DLGAP2: variants seen among roughly 807,000 people sequenced by gnomAD.
The protein encoded by DLGAP2 is DLG associated protein 2.
Under a neutral mutation model 100.3 loss-of-function variants are expected in DLGAP2, and 26 were observed. That is an observed-to-expected ratio of 0.26 (90% CI 0.19 to 0.36). The LOEUF is 0.36. DLGAP2 is among the 10% of genes least tolerant of loss of function. The pLI is 1.00. For synonymous variants in DLGAP2, 886 were observed against 630.1 expected, an observed-to-expected ratio of 1.41 and a Z score of -6.08; for missense variants, 1,858 against 1,453.2, an observed-to-expected ratio of 1.28 and a Z score of -4.53.
chr8:742,207 G>T (rs1259194923), intron 1 of DLGAP2, among the ~76,000 whole-genome samples: 1 of 152,106 alleles, frequency 6.6e-6, no homozygotes, highest in African/African-American at 2.4e-5. Flanking sequence ...TCATCTTCGG[G>T]TACTGTTTCT....
At position 968,226 on chromosome 8, in the gene DLGAP2, A is replaced by G. The variant is rs564187957; in HGVS notation, c.73+60260A>G. 1.7e-3 allele frequency among the ~76,000 whole-genome samples: 265 copies of G among 152,254 alleles called. 3 individuals carry two copies. Among genetic ancestry groups the G allele is most frequent in the African/African-American group, 6.3e-3 (261 of 41,554 alleles). On this transcript the variant is annotated intron_variant, in intron 2 of 14. Coordinates refer to ENST00000637795, the MANE Select transcript of DLGAP2 (RefSeq NM_001346810.2). ...GCCACATGTGGGCAGTAAAAGGAAG[A>G]TGATTATGACAGCTATGCCCGTGGG...
At chr8:999,891 AGG>A (rs1800895874) in intron 2 of DLGAP2, among the ~76,000 whole-genome samples, 1 of 151,604 alleles carries the variant, frequency 6.6e-6, no homozygotes. Flanking sequence ...GTGCTTGCTA[AGG>A]ATTTTCTCTA....
intron 2 of DLGAP2, among the ~76,000 whole-genome samples, chr8:1,065,966 C>A (rs1471474966): frequency 6.6e-6 from 1 of 152,218 alleles, no homozygotes; most frequent in Non-Finnish European, 1.5e-5. Flanking sequence ...CACTGCCGAG[C>A]TGGACACTGT....
chr8:1,374,154 GAGGTT>G (rs1479791654), intron 3 of DLGAP2, among the ~76,000 whole-genome samples: 5 of 151,254 alleles, frequency 3.3e-5, no homozygotes, highest in African/African-American at 1.2e-4. Flanking sequence ...GTGTAGTGTG[GAGGTT>G]AGGTTAGGTT....
At chr8:893,134 G>A (rs546929510) in intron 1 of DLGAP2, 1 of 152,354 alleles carries the variant, frequency 6.6e-6, no homozygotes, top group South Asian at 2.1e-4. Flanking sequence ...GTGGAACCGA[G>A]GGCAGGCTGG....
At chr8:1,511,998 G>A (rs530774139) in intron 4 of DLGAP2, among the ~76,000 whole-genome samples, 3 of 152,382 alleles carry the variant, frequency 2.0e-5, no homozygotes, top group African/African-American at 7.2e-5. Context: ...ACTAGCTGCA[G>A]TTAGCAGTAA....
At chr8:1,425,785 AG>A (rs1300427216) in intron 3 of DLGAP2, among the ~76,000 whole-genome samples, 2 of 152,238 alleles carry the variant, frequency 1.3e-5, no homozygotes, top group African/African-American at 4.8e-5. Context: ...AAGCCGCTGC[AG>A]GATGAGCCCA....
At chr8:1,028,916 C>T (rs937209740) in intron 2 of DLGAP2, among the ~76,000 whole-genome samples, 7 of 152,126 alleles carry the variant, frequency 4.6e-5, no homozygotes, top group South Asian at 2.1e-4. Context: ...CTGTGAAGGA[C>T]GGCCTGACCG....
intron 2 of DLGAP2, among the ~76,000 whole-genome samples, chr8:1,146,621 G>A (rs1044230770): frequency 1.3e-5 from 2 of 152,052 alleles, no homozygotes; most frequent in African/African-American, 4.8e-5. Flanking sequence ...ATGCACGTGT[G>A]TGCATGCATG....
rs116291947 is a variant in DLGAP2 at position 1,619,236 on chromosome 8, A to T, written c.1443-7504A>T. On this transcript the variant is annotated intron_variant, in intron 6 of 14. Coordinates refer to ENST00000637795, the MANE Select transcript of DLGAP2 (RefSeq NM_001346810.2). ...GATACACAAATGTCCAATAAGAATTAGTCATCCAGGAGGTGAAAGTGAAAA... is the reference window on the plus strand; with the variant it reads ...GATACACAAATGTCCAATAAGAATTTGTCATCCAGGAGGTGAAAGTGAAAA... 2.9e-3 allele frequency among the ~76,000 whole-genome samples: 440 copies of T among 152,362 alleles called. 4 individuals carry two copies. Among genetic ancestry groups the T allele is most frequent in the African/African-American group, 9.8e-3 (409 of 41,586 alleles).
At chr8:1,006,082 G>T (rs1027901146) in intron 2 of DLGAP2, among the ~76,000 whole-genome samples, 1 of 152,138 alleles carries the variant, frequency 6.6e-6, no homozygotes, top group Non-Finnish European at 1.5e-5. Context: ...ACAGGTACTC[G>T]GGAGGCTGAG....
At chr8:1,339,034 C>T (rs1801357621) in intron 3 of DLGAP2, among the ~76,000 whole-genome samples, 2 of 151,976 alleles carry the variant, frequency 1.3e-5, no homozygotes, top group Admixed American at 1.3e-4. Flanking sequence ...AGTGTCAGGA[C>T]CTGGCAGGGA....
chr8:1,569,901 C>A (rs1454648047), intron 6 of DLGAP2, among the ~76,000 whole-genome samples: 6 of 151,034 alleles, frequency 4.0e-5, no homozygotes, highest in Non-Finnish European at 8.9e-5. Context: ...TAGATCTTCA[C>A]CCCATGGCAC....
Position 1,259,402 on chromosome 8 carries a change from C to G in DLGAP2, c.106+519C>G, listed in dbSNP as rs143185560. 3.1e-3 allele frequency among the ~76,000 whole-genome samples: 472 copies of G among 152,286 alleles called. 2 individuals are homozygous for G. Among genetic ancestry groups the G allele is most frequent in the African/African-American group, 0.01 (424 of 41,544 alleles). On this transcript the variant is annotated intron_variant, in intron 3 of 14. Transcript: ENST00000637795. ...GGCAAAGTAGGGCCCCTGAGTCTGT[C>G]ATTTGTTGACTGTTTGGAACTAGTG...
intron 3 of DLGAP2, among the ~76,000 whole-genome samples, chr8:1,468,690 G>A (rs533913825): frequency 4.3e-4 from 65 of 152,300 alleles, no homozygotes; most frequent in Non-Finnish European, 7.2e-4. Context: ...CGTGACTCCA[G>A]CCTGGGCAGT....
intron 4 of DLGAP2, among the ~76,000 whole-genome samples, chr8:1,505,789 T>G (rs1181732813): frequency 6.6e-6 from 1 of 152,188 alleles, no homozygotes; most frequent in Non-Finnish European, 1.5e-5. Flanking sequence ...ATTGGCTCAT[T>G]ATGACGTTAC....
intron 1 of DLGAP2, among the ~76,000 whole-genome samples, chr8:758,999 A>ACAGCCTTCCCATTATCAATACCCCTG (rs1820991690): frequency 5.2e-5 from 1 of 19,200 alleles, no homozygotes; most frequent in African/African-American, 2.0e-4. Context: ...CAATACCCCC[A>ACAGCCTTCCCATTATCAATACCCCTG]ACAGCCTTCC....
chr8:1,028,652 G>A (rs1432288068), intron 2 of DLGAP2, among the ~76,000 whole-genome samples: 2 of 152,240 alleles, frequency 1.3e-5, no homozygotes, highest in African/African-American at 4.8e-5. Flanking sequence ...ATGCTCACGG[G>A]GCTGGAGAGC....
chr8:1,322,328 C>A (rs1222454619), intron 3 of DLGAP2, among the ~76,000 whole-genome samples: 1 of 152,216 alleles, frequency 6.6e-6, no homozygotes. Flanking sequence ...AATGTTCATT[C>A]TTTACCACAA....
Sources: allele counts gnomAD v4.1 joint callset (sites outside exome capture counted in the v4.1 genomes callset), GRCh38; gene constraint gnomAD v4.1.1; transcripts MANE v1.5; gene names NCBI Gene and HGNC (gene_info 2026-07-23, HGNC 2026-07-21).